PCDHAC1: variants seen among roughly 807,000 people sequenced by gnomAD.
PCDHAC1 encodes protocadherin alpha-C1.
Under a neutral mutation model 60.0 loss-of-function variants are expected in PCDHAC1, and 42 were observed. The observed-to-expected ratio is 0.70, with a 90% CI of 0.55 to 0.90. The LOEUF (loss-of-function observed/expected upper bound fraction) is 0.90, where lower values mean the gene tolerates loss of function less well. Among genes scored for constraint, PCDHAC1 ranks in the 40% least tolerant of loss-of-function variants. The pLI, the probability that PCDHAC1 is intolerant of heterozygous loss-of-function variation, is 0.00. For synonymous variants in PCDHAC1, 468 were observed against 499.3 expected (o/e 0.94, Z 0.84); for missense variants, 1,160 against 1,222.3 (o/e 0.95, Z 0.76).
intron 3 of PCDHAC1, among the ~76,000 whole-genome samples, chr5:141,003,441 AGAT>A (rs2098125025): frequency 6.6e-6 from 1 of 152,122 alleles, no homozygotes; most frequent in Non-Finnish European, 1.5e-5. Context: ...CCTCCCAAGT[AGAT>A]GAAATTACAG....
At chr5:141,000,095 T>G (rs1299354306) in intron 3 of PCDHAC1, among the ~76,000 whole-genome samples, 1 of 152,044 alleles carries the variant, frequency 6.6e-6, no homozygotes, top group Non-Finnish European at 1.5e-5. Flanking sequence ...TGAATGGAGC[T>G]CAACTCCGTC....
rs201652283 is a variant in PCDHAC1, at chr5:141,009,916, G to A, written c.2871G>A (p.Thr957=). The A allele has an allele frequency of 4.3e-6, 7 of 1,611,506 alleles. No homozygotes were observed. The highest frequency in any genetic ancestry group is 2.2e-5 in the East Asian group (1 of 44,862). ...TQEKKEKGNS[T]TDNSDQ is the part of the protein sequence containing the mutation. The stretch of plus-strand genomic sequence containing the variant: ...AGAAAAAAGAGAAAGGGAACAGCAC[G>A]ACTGACAACAGTGACCAGTGAGGTC... Residue 957 remains threonine (T), a synonymous_variant, in exon 4 of 4, where the codon ACG becomes ACA. Coordinates refer to ENST00000253807, the MANE Select transcript of PCDHAC1 (RefSeq NM_018898.5).
chr5:140,967,876 G>T, intron 1 of PCDHAC1: 1 of 1,614,144 alleles, frequency 6.2e-7, no homozygotes, highest in Non-Finnish European at 8.5e-7. Context: ...TCACGGACCT[G>T]TATAGCCCAG....
intron 3 of PCDHAC1, among the ~76,000 whole-genome samples, chr5:141,005,547 C>A (rs2098220537): frequency 6.6e-6 from 1 of 150,736 alleles, no homozygotes; most frequent in South Asian, 2.1e-4. Flanking sequence ...ACTAAAAATA[C>A]AAAAATTAGC....
intron 1 of PCDHAC1, among the ~76,000 whole-genome samples, chr5:140,936,092 C>T (rs941947685): frequency 1.3e-5 from 2 of 152,034 alleles, no homozygotes; most frequent in Admixed American, 6.6e-5. Context: ...AGGGTTTCAC[C>T]ATGTTGGCCA....
chr5:140,935,952 G>C (rs1554210758), intron 1 of PCDHAC1, among the ~76,000 whole-genome samples: 3 of 148,522 alleles, frequency 2.0e-5, no homozygotes, highest in Non-Finnish European at 4.4e-5. Flanking sequence ...GAGTAAAGTG[G>C]TACAATCTTG....
intron 3 of PCDHAC1, among the ~76,000 whole-genome samples, chr5:140,991,204 A>C (rs1416431011): frequency 6.6e-6 from 1 of 152,198 alleles, no homozygotes; most frequent in East Asian, 1.9e-4. Flanking sequence ...ATGCTCAATA[A>C]ATTTTGTTAA....
At chr5:140,950,579 A>G (rs2094498747) in intron 1 of PCDHAC1, among the ~76,000 whole-genome samples, 1 of 151,956 alleles carries the variant, frequency 6.6e-6, no homozygotes, top group African/African-American at 2.4e-5. Flanking sequence ...TTTTCTACTT[A>G]CCTTTGGTTT....
chr5:140,985,619 G>C (rs961379624), intron 3 of PCDHAC1, among the ~76,000 whole-genome samples: 2 of 152,064 alleles, frequency 1.3e-5, no homozygotes, highest in African/African-American at 2.4e-5. Context: ...TGAACCAGCT[G>C]TGTATTGCTC....
chr5:140,967,251 CG>C, intron 1 of PCDHAC1: 1 of 1,613,410 alleles, frequency 6.2e-7, no homozygotes, highest in Non-Finnish European at 8.5e-7. Flanking sequence ...GAATCGGTGG[CG>C]CCTGGAGCGC....
At chr5:140,991,420 A>G (rs1413227137) in intron 3 of PCDHAC1, among the ~76,000 whole-genome samples, 2 of 152,234 alleles carry the variant, frequency 1.3e-5, no homozygotes, top group Admixed American at 6.5e-5. Flanking sequence ...GCTATAACAA[A>G]TTAACCATAA....
At chr5:141,005,701 CAAAAAAAAAAAAAA>C (rs59860837) in intron 3 of PCDHAC1, among the ~76,000 whole-genome samples, 79 of 7,792 alleles carry the variant, frequency 0.01, 1 homozygote, top group Admixed American at 0.027. Flanking sequence ...AACTCCGTCT[CAAAAAAAAAAAAAA>C]AAAAAAAAAA....
intron 1 of PCDHAC1, chr5:140,930,181 T>C (rs1170637205): frequency 2.0e-5 from 3 of 152,216 alleles, no homozygotes; most frequent in African/African-American, 7.2e-5. Flanking sequence ...AGAGGAAAGA[T>C]GAGTAATTTT....
rs1175289327 is a variant in PCDHAC1 at position 140,945,113 on chromosome 5, T to TA, written c.2433+15794dup. ...TAATAAACAAAATAAAGTTGAAAGA[T>TA]AAAAAATCAACTTACAAAAATCAAT... On this transcript the variant is annotated intron_variant, in intron 1 of 3. Coordinates refer to ENST00000253807, the MANE Select transcript of PCDHAC1 (RefSeq NM_018898.5). Among the ~76,000 whole-genome samples, 7 of 152,200 alleles carry TA rather than the reference T, an allele frequency of 4.6e-5. No individual in the cohort carries two copies. In the East Asian group the frequency reaches 1.2e-3, roughly 25 times the overall value.
Position 140,981,745 on chromosome 5 carries a change from T to C in PCDHAC1, c.2493-730T>C, listed in dbSNP as rs145941614. On this transcript the variant is annotated intron_variant, in intron 2 of 3. Coordinates refer to ENST00000253807, the MANE Select transcript of PCDHAC1 (RefSeq NM_018898.5). ...CAAATATTTGAGAGATTAATATGAG[T>C]TAGTATTAGACATACATAAATGAAT... Among the ~76,000 whole-genome samples the C allele has an allele frequency of 1.1e-3, 160 of 152,294 alleles. 1 individual carries two copies. The East Asian group carries it at 0.027, about 25-fold the overall frequency.
intron 1 of PCDHAC1, among the ~76,000 whole-genome samples, chr5:140,941,250 T>TCCTTCCTTC (rs1441496906): frequency 7.2e-6 from 1 of 139,474 alleles, no homozygotes; most frequent in East Asian, 2.1e-4. Context: ...TTTCTTTCTT[T>TCCTTCCTTC]CTTTCTCTTT....
At chr5:141,000,415 ATATATATTTTTTTT>A (rs2097922429) in intron 3 of PCDHAC1, among the ~76,000 whole-genome samples, 2 of 87,398 alleles carry the variant, frequency 2.3e-5, no homozygotes, top group Non-Finnish European at 4.3e-5. Flanking sequence ...ATATATATAT[ATATATATTTTTTTT>A]TTTTTTTTTT....
intron 1 of PCDHAC1, among the ~76,000 whole-genome samples, chr5:140,950,045 A>G (rs1293026782): frequency 1.3e-5 from 2 of 151,934 alleles, no homozygotes; most frequent in Non-Finnish European, 2.9e-5. Context: ...ACAACCATAT[A>G]AGACTATTTA....
At chr5:140,980,196 A>T (rs1404667828) in intron 2 of PCDHAC1, among the ~76,000 whole-genome samples, 1 of 152,214 alleles carries the variant, frequency 6.6e-6, no homozygotes, top group Non-Finnish European at 1.5e-5. Flanking sequence ...TTTATTAGAG[A>T]CCAACTTGTG....
Sources: allele counts gnomAD v4.1 joint callset (sites outside exome capture counted in the v4.1 genomes callset), GRCh38; gene constraint gnomAD v4.1.1; transcripts MANE v1.5; gene names NCBI Gene and HGNC (gene_info 2026-07-23, HGNC 2026-07-21).